Variants in ANKMY1 observed in about 807,000 individuals in gnomAD.
The protein encoded by ANKMY1 is ankyrin repeat and MYND domain-containing protein 1.
A neutral mutation model predicts 102.0 loss-of-function variants in ANKMY1; 98 were observed. The observed-to-expected ratio is 0.96, with a 90% CI of 0.82 to 1.14. The LOEUF (loss-of-function observed/expected upper bound fraction) is 1.14. ANKMY1 is among the 50% of genes most tolerant of loss of function. The pLI is 0.00. For missense variants in ANKMY1, 1,330 were observed against 1,347.6 expected (o/e 0.99, Z 0.20); for synonymous variants, 582 against 559.9 (o/e 1.04, Z -0.56).
chr2:240,508,502 T>C (rs1380224037), intron 12 of ANKMY1, among the ~76,000 whole-genome samples: 2 of 152,262 alleles, frequency 1.3e-5, no homozygotes, highest in African/African-American at 2.4e-5. Flanking sequence ...TGTCACCTCA[T>C]CTGAGAAGCA....
chr2:240,541,717 T>C (rs1320913382), intron 4 of ANKMY1, among the ~76,000 whole-genome samples: 1 of 151,592 alleles, frequency 6.6e-6, no homozygotes, highest in Non-Finnish European at 1.5e-5. Context: ...TTAGCCAGGA[T>C]GATCTTGATC....
the ANKMY1 span, among the ~76,000 whole-genome samples, chr2:240,472,273 G>A: frequency 1.6e-4 from 24 of 151,676 alleles, no homozygotes; most frequent in African/African-American, 2.9e-4. Flanking sequence ...GGCCGCACGC[G>A]GGGAGGCAGG....
At chr2:240,559,198 G>C (rs961617916), upstream of ANKMY1, among the ~76,000 whole-genome samples, 1 of 152,224 alleles carries the variant, frequency 6.6e-6, no homozygotes, top group Non-Finnish European at 1.5e-5. Context: ...CCTCAATGGA[G>C]TGGGAGCATG....
intron 9 of ANKMY1, among the ~76,000 whole-genome samples, chr2:240,513,347 C>T (rs2080601461): frequency 6.6e-6 from 1 of 152,208 alleles, no homozygotes; most frequent in Non-Finnish European, 1.5e-5. Context: ...ATTCTCCACT[C>T]ACAGTGTCCC....
chr2:240,527,566 A>AGTGG (rs2083932382), intron 5 of ANKMY1: 1 of 10,580 alleles, frequency 9.5e-5, no homozygotes. Flanking sequence ...TGAGTGGGTG[A>AGTGG]ATTAATGGGT....
At chr2:240,503,043 C>T (rs1471886044) in intron 13 of ANKMY1, among the ~76,000 whole-genome samples, 3 of 152,174 alleles carry the variant, frequency 2.0e-5, no homozygotes, top group Non-Finnish European at 4.4e-5. Flanking sequence ...GCAGCATCAG[C>T]ACACTCTAGA....
chr2:240,490,130 T>C (rs190303228), intron 15 of ANKMY1, among the ~76,000 whole-genome samples: 120 of 152,062 alleles, frequency 7.9e-4, no homozygotes, highest in African/African-American at 2.1e-3. Context: ...CAGAGATTCA[T>C]TTCTTCAAAT....
chr2:240,500,673 C>A (rs1022065245), intron 13 of ANKMY1, 108 bp from the exon 14 acceptor site: 5 of 915,700 alleles, frequency 5.5e-6, no homozygotes, highest in Non-Finnish European at 8.5e-6. Flanking sequence ...CCACCAAGGC[C>A]GCCCTTGCAG....
chr2:240,530,684 A>C (rs1280654925), intron 4 of ANKMY1, among the ~76,000 whole-genome samples: 2 of 152,162 alleles, frequency 1.3e-5, no homozygotes, highest in East Asian at 3.8e-4. Context: ...CACCCGCCTG[A>C]GCATCCAAAA....
At chr2:240,474,474 C>T (rs765121877), downstream of ANKMY1, among the ~76,000 whole-genome samples, 1 of 151,976 alleles carries the variant, frequency 6.6e-6, no homozygotes, top group African/African-American at 2.4e-5. Flanking sequence ...TATAGGTAAA[C>T]TCGTGTCATG....
chr2:240,526,084 G>T, intron 6 of ANKMY1, 145 bp downstream of exon 6: 1 of 1,101,214 alleles, frequency 9.1e-7, no homozygotes, highest in Non-Finnish European at 1.3e-6. Context: ...GGTTTCTGCT[G>T]AACGGCGAGG....
intron 4 of ANKMY1, among the ~76,000 whole-genome samples, chr2:240,543,619 C>T (rs1416866032): frequency 2.0e-5 from 3 of 152,012 alleles, no homozygotes; most frequent in African/African-American, 7.2e-5. Context: ...ATGTAGTTAA[C>T]TTTAAGGTTC....
At chr2:240,477,998 A>G (rs1574832556), downstream of ANKMY1, among the ~76,000 whole-genome samples, 1 of 152,198 alleles carries the variant, frequency 6.6e-6, no homozygotes, top group East Asian at 1.9e-4. Flanking sequence ...GTAATCCCCA[A>G]TGTGGGAGGT....
Position 240,526,376 on chromosome 2 carries a change from G to C in ANKMY1, c.1023C>G (p.Pro341=), listed in dbSNP as rs2083404196. ...ILEGKRSGFA[P]CGPKEQLSME... Reference sequence around the variant, plus strand: ...TGGAAAGTTGCTCTTTGGGCCCACAGGGTGCAAAGCCACTGCGCTTCCCCT... The same window carrying C: ...TGGAAAGTTGCTCTTTGGGCCCACACGGTGCAAAGCCACTGCGCTTCCCCT... Residue 341 remains proline, a synonymous_variant, in exon 6 of 18, where the codon CCC becomes CCG. Coordinates refer to ENST00000401804, the MANE Select transcript of ANKMY1 (RefSeq NM_001282771.3). 6.2e-7 allele frequency: 1 copy of C among 1,614,268 alleles called. No homozygotes were observed. The highest frequency in any genetic ancestry group is 8.5e-7 in the Non-Finnish European group (1 of 1,180,052).
intron 11 of ANKMY1, 98 bp downstream of exon 11, chr2:240,511,763 T>C (rs2080233704): frequency 4.9e-6 from 7 of 1,416,646 alleles, no homozygotes; most frequent in Non-Finnish European, 6.5e-6. Context: ...TGCCTAAGAC[T>C]CAGCATGAGA....
In ANKMY1 at chr2:240,552,882, GA is replaced by G. The variant is rs573684192; in HGVS notation, c.480+31del. On this transcript the variant is annotated intron_variant, in intron 4 of 17. Coordinates refer to ENST00000401804, the MANE Select transcript of ANKMY1 (RefSeq NM_001282771.3). ...TGGCTTAGACACACACAGCCACTTCGACCCCAGCTGAACACATGGCAGCCCC... is the reference window on the plus strand; with the variant it reads ...TGGCTTAGACACACACAGCCACTTCGCCCCAGCTGAACACATGGCAGCCCC... 1,441 of 1,612,752 alleles carry G rather than the reference GA, an allele frequency of 8.9e-4. 14 individuals are homozygous for G. In the African/African-American group the frequency reaches 0.015, roughly 16 times the overall value.
chr2:240,490,454 G>C (rs530764959), intron 15 of ANKMY1, among the ~76,000 whole-genome samples: 1 of 152,086 alleles, frequency 6.6e-6, no homozygotes, highest in South Asian at 2.1e-4. Context: ...ACAGGTTTTG[G>C]TATATTGTGC....
At chr2:240,503,369 T>C (rs575002939) in intron 13 of ANKMY1, among the ~76,000 whole-genome samples, 1 of 152,210 alleles carries the variant, frequency 6.6e-6, no homozygotes, top group Non-Finnish European at 1.5e-5. Flanking sequence ...CCCTGGCTGA[T>C]GAAAGCTCCT....
rs372329121 is a variant in ANKMY1 at position 240,524,045 on chromosome 2, C to G, written c.1672G>C (p.Glu558Gln). 3 of 1,614,044 alleles carry G rather than the reference C, an allele frequency of 1.9e-6. No individual in the cohort carries two copies. The African/African-American group carries it at 4.0e-5, about 22-fold the overall frequency. ...AAGTCGCACACACACACGTTGGACT[C>G]AAATTTCGTCTCAGCACTGCACAGA... ...GSLCSAETKF[E>Q]SNVCVCDFSI... Residue 558 changes from glutamate (E) to glutamine (Q), a missense_variant, in exon 8 of 18, where the codon GAG becomes CAG. Physicochemically the swap from Glu to Gln is conservative, Grantham distance 29. Transcript: ENST00000401804.
Sources: gnomAD v4.1 joint callset for allele counts (sites outside exome capture counted in the v4.1 genomes callset) on GRCh38, gnomAD v4.1.1 for gene constraint, MANE v1.5 for transcripts, NCBI Gene and HGNC (gene_info 2026-07-23, HGNC 2026-07-21) for gene names.